The following CDK5RAP2 variants were observed in gnomAD, a reference collection of about 807,000 sequenced individuals.
CDK5RAP2 encodes the protein CDK5 regulatory subunit-associated protein 2.
Under a neutral mutation model 232.9 loss-of-function variants are expected in CDK5RAP2, and 147 were observed. The observed-to-expected ratio is 0.63, with a 90% CI of 0.55 to 0.72. The LOEUF (loss-of-function observed/expected upper bound fraction) is 0.72, where lower values mean the gene tolerates loss of function less well. Among genes scored for constraint, CDK5RAP2 ranks in the 30% least tolerant of loss-of-function variants. CDK5RAP2 has a pLI of 0.00. For missense variants in CDK5RAP2, 2,195 were observed against 2,231.5 expected (o/e 0.98, Z 0.33); for synonymous variants, 833 against 833.7 (o/e 1.00, Z 0.01).
Position 120,439,648 on chromosome 9 carries a change from C to G in CDK5RAP2, c.3473G>C (p.Ser1158Thr). Residue 1158 changes from serine (S) to threonine (T), a missense_variant, in exon 24 of 38, where the codon AGC becomes ACC. Coordinates refer to ENST00000349780, the MANE Select transcript of CDK5RAP2 (RefSeq NM_018249.6). ...CGTEGAQDGL[S>T]KPKNGSDGEE... Reference sequence around the variant, plus strand: ...CCCATCAGAACCATTCTTGGGCTTGCTCAAGCCATCCTGGGCCCCTTCTGT... The same window carrying G: ...CCCATCAGAACCATTCTTGGGCTTGGTCAAGCCATCCTGGGCCCCTTCTGT... The G allele has an allele frequency of 3.7e-6, 6 of 1,614,208 alleles. No homozygotes were observed. The highest frequency in any genetic ancestry group is 5.1e-6 in the Non-Finnish European group (6 of 1,180,044).
chr9:120,479,107 C>G (rs2131575532), intron 14 of CDK5RAP2, among the ~76,000 whole-genome samples: 1 of 152,160 alleles, frequency 6.6e-6, no homozygotes, highest in Middle Eastern at 3.4e-3. Flanking sequence ...ATGATTTGAG[C>G]ATTGAAATAA....
Position 120,443,723 on chromosome 9 carries a change from T to A in CDK5RAP2, c.3045A>T (p.Ala1015=). The change falls in exon 23 of 38, where the codon GCA becomes GCT. Residue 1015 remains alanine (A), a synonymous_variant. Coordinates refer to ENST00000349780, the MANE Select transcript of CDK5RAP2 (RefSeq NM_018249.6). ...GCTCTCCTGGGCTGTCCTGGTAGGC[T>A]GCTCCCACAGGGGGCTGAGCTACAG... ...TLLNAQPPVG[A]AYQDSPGEQK... 6.2e-7 allele frequency: 1 copy of A among 1,614,042 alleles called. No individual in the cohort carries two copies.
chr9:120,471,198 C>T (rs1348094553), intron 16 of CDK5RAP2, among the ~76,000 whole-genome samples: 1 of 152,164 alleles, frequency 6.6e-6, no homozygotes, highest in African/African-American at 2.4e-5. Context: ...GATACCAACC[C>T]AAACTTTAAA....
At chr9:120,498,913 G>A (rs1223932207) in intron 12 of CDK5RAP2, among the ~76,000 whole-genome samples, 1 of 151,986 alleles carries the variant, frequency 6.6e-6, no homozygotes, top group East Asian at 1.9e-4. Flanking sequence ...TTTGGATCAT[G>A]ATTTATCTTT....
chr9:120,550,897 G>C lies in CDK5RAP2; in HGVS notation c.201C>G (p.Ile67Met). ...TAAAGTTTTCTTTCTTCAATTCAGT[G>C]ATTTGCTGAAAAATATCACAGAAGG... Reference protein sequence around the residue: ...ARNMKDFENQITELKKENFNL... With the variant: ...ARNMKDFENQMTELKKENFNL... Residue 67 changes from isoleucine to methionine, a missense_variant, in exon 4 of 38, where the codon ATC becomes ATG. By Grantham distance (10) the Ile-to-Met change is conservative (BLOSUM62 1). Transcript: ENST00000349780. The C allele has an allele frequency of 6.3e-7, 1 of 1,596,614 alleles. No homozygotes were observed. The highest frequency in any genetic ancestry group is 8.6e-7 in the Non-Finnish European group (1 of 1,164,110).
chr9:120,533,723 G>A (rs1363172261), intron 7 of CDK5RAP2, among the ~76,000 whole-genome samples: 1 of 150,230 alleles, frequency 6.7e-6, no homozygotes, highest in African/African-American at 2.5e-5. Context: ...ACCTGAACCT[G>A]GGAAGCTGAG....
At chr9:120,471,983 T>C in intron 15 of CDK5RAP2, 105 bp from the exon 16 acceptor site, 1 of 1,475,778 alleles carries the variant, frequency 6.8e-7, no homozygotes, top group Non-Finnish European at 9.4e-7. Context: ...TGTGTTTTTT[T>C]CTGGTTATAA....
intron 20 of CDK5RAP2, among the ~76,000 whole-genome samples, chr9:120,454,246 A>G (rs1254071528): frequency 1.3e-5 from 2 of 152,172 alleles, no homozygotes; most frequent in South Asian, 2.1e-4. Context: ...CCGCCAGCCA[A>G]CCTCCTGGCC....
rs148210666 is a variant in CDK5RAP2 at position 120,537,848 on chromosome 9, T to G, written c.507+1193A>C. ...CAATAAATTGTTAATACCACAGTTA[T>G]TATTACAATTACCACTGCAAACCAG... On this transcript the variant is annotated intron_variant, in intron 6 of 37. Coordinates refer to ENST00000349780, the MANE Select transcript of CDK5RAP2 (RefSeq NM_018249.6). 5.4e-4 allele frequency among the ~76,000 whole-genome samples: 82 copies of G among 152,306 alleles called. 1 individual carries two copies. Among genetic ancestry groups the G allele is most frequent in the African/African-American group, 1.9e-3 (78 of 41,570 alleles).
chr9:120,458,770 G>C (rs1237874006), intron 19 of CDK5RAP2, 148 bp from the exon 20 acceptor site: 5 of 715,688 alleles, frequency 7.0e-6, no homozygotes, highest in Non-Finnish European at 1.2e-5. Context: ...AAAGGGGGAG[G>C]AGAAGGAGGA....
At chr9:120,406,478 T>C (rs1269028541) in intron 32 of CDK5RAP2, 1 of 154,640 alleles carries the variant, frequency 6.5e-6, no homozygotes, top group Non-Finnish European at 1.4e-5. Flanking sequence ...AACCATTTAC[T>C]GGTTTGCTCC....
At chr9:120,470,355 T>C (rs981539054) in intron 16 of CDK5RAP2, 135 bp from the exon 17 acceptor site, 50 of 594,082 alleles carry the variant, frequency 8.4e-5, no homozygotes, top group Non-Finnish European at 1.4e-4. Flanking sequence ...GAAGGGAGCA[T>C]AGTACACAGA....
intron 27 of CDK5RAP2, among the ~76,000 whole-genome samples, chr9:120,417,911 C>A (rs994277084): frequency 8.5e-5 from 13 of 152,078 alleles, no homozygotes; most frequent in Non-Finnish European, 1.8e-4. Context: ...GCATTGTTTA[C>A]AATTGTGAAA....
chr9:120,389,874 C>A, intron 36 of CDK5RAP2, 87 bp from the exon 37 acceptor site: 1 of 1,228,658 alleles, frequency 8.1e-7, no homozygotes, highest in Non-Finnish European at 1.2e-6. Context: ...GGATGAACCC[C>A]ACCCCAAAGG....
At chr9:120,397,720 G>A (rs2032643113) in intron 35 of CDK5RAP2, among the ~76,000 whole-genome samples, 1 of 152,130 alleles carries the variant, frequency 6.6e-6, no homozygotes, top group African/African-American at 2.4e-5. Flanking sequence ...AATTCAGGAT[G>A]CAAATAAGAT....
At position 120,570,023 on chromosome 9, in the gene CDK5RAP2, C is replaced by A. The variant is rs529289333; in HGVS notation, c.128-1635G>T. 3.9e-5 allele frequency among the ~76,000 whole-genome samples: 6 copies of A among 152,038 alleles called. No individual in the cohort carries two copies. In the South Asian group the frequency reaches 1.2e-3, roughly 32 times the overall value. On this transcript the variant is annotated intron_variant, in intron 2 of 37. Coordinates refer to ENST00000349780, the MANE Select transcript of CDK5RAP2 (RefSeq NM_018249.6). ...ACACCTTAGTCAGCCTGGGGAGAGC[C>A]AAAAAGGGTGGTGAGCTTTGAGCTG...
chr9:120,463,684 G>A (rs560764574), intron 18 of CDK5RAP2, among the ~76,000 whole-genome samples: 5 of 152,278 alleles, frequency 3.3e-5, no homozygotes, highest in South Asian at 2.1e-4. Context: ...TATGAAAAGC[G>A]TCAAAGTTAT....
chr9:120,477,712 C>A (rs1445319853), intron 14 of CDK5RAP2, among the ~76,000 whole-genome samples: 1 of 152,182 alleles, frequency 6.6e-6, no homozygotes, highest in Non-Finnish European at 1.5e-5. Context: ...GGAAGACGCA[C>A]CAGCTATGGG....
In CDK5RAP2 at chr9:120,487,402, C is replaced by T; in HGVS notation, c.1518G>A (p.Gln506=). The T allele has an allele frequency of 1.9e-6, 3 of 1,613,200 alleles. No individual in the cohort carries two copies. Among genetic ancestry groups the T allele is most frequent in the Non-Finnish European group, 2.5e-6 (3 of 1,179,530 alleles). Residue 506 remains glutamine, a synonymous_variant, in exon 14 of 38, where the codon CAG becomes CAA. Coordinates refer to ENST00000349780, the MANE Select transcript of CDK5RAP2 (RefSeq NM_018249.6). ...FNEKDLEVIQ[Q]NCYLMAAEDL... is the part of the protein sequence containing the mutation. ...CCTCTGCAGCCATTAAATAGCAGTT[C>T]TGCTGTATTACTTCCAAATCTTTTT... is the stretch of plus-strand genomic sequence containing the variant.
Sources: allele counts gnomAD v4.1 joint callset (sites outside exome capture counted in the v4.1 genomes callset), GRCh38; gene constraint gnomAD v4.1.1; transcripts MANE v1.5; gene names NCBI Gene and HGNC (gene_info 2026-07-23, HGNC 2026-07-21).